The following TENM2 variants were observed in gnomAD, a reference collection of about 807,000 sequenced individuals.
TENM2 encodes the protein teneurin transmembrane protein 2.
TENM2 carries 52 observed loss-of-function variants against 245.2 expected under a neutral mutation model. The observed-to-expected ratio is 0.21, with a 90% CI of 0.17 to 0.27. TENM2 has a LOEUF of 0.27. Ranked by LOEUF, TENM2 falls within the 10% of genes least tolerant of loss-of-function variation. The probability of loss-of-function intolerance (pLI) is 1.00; values close to 1 mark genes in which losing one functional copy is unlikely to be tolerated. For synonymous variants in TENM2, 1,363 were observed against 1,438.9 expected (o/e 0.95, Z 1.19); for missense variants, 3,046 against 3,666.8 (o/e 0.83, Z 4.37).
At chr5:168,235,589 C>T (rs1052189065) in intron 25 of TENM2, among the ~76,000 whole-genome samples, 1 of 152,126 alleles carries the variant, frequency 6.6e-6, no homozygotes, top group Admixed American at 6.5e-5. Context: ...GGTGGATGAC[C>T]TGAGGTCAGA....
At chr5:167,374,923 G>A (rs893065364) in intron 1 of TENM2, among the ~76,000 whole-genome samples, 3 of 152,148 alleles carry the variant, frequency 2.0e-5, no homozygotes, top group African/African-American at 7.2e-5. Context: ...GCTACATGGA[G>A]CTACCTAGAC....
chr5:167,854,197 C>T (rs1298442560), intron 2 of TENM2, among the ~76,000 whole-genome samples: 1 of 152,176 alleles, frequency 6.6e-6, no homozygotes, highest in Non-Finnish European at 1.5e-5. Context: ...TCACAAATAA[C>T]ATATTCTGTA....
In TENM2 at chr5:168,260,435, G is replaced by A; in HGVS notation, c.7563+22G>A. Reference sequence around the variant, plus strand: ...ACAGGTAAGCAGAGGTTCCTGCCAAGAATCCAAATGATTGTCATCATTCCC... The same window carrying A: ...ACAGGTAAGCAGAGGTTCCTGCCAAAAATCCAAATGATTGTCATCATTCCC... On this transcript the variant is annotated intron_variant, in intron 28 of 28. Coordinates refer to ENST00000518659, the Ensembl canonical transcript of TENM2. The A allele has an allele frequency of 1.9e-6, 3 of 1,611,668 alleles. No individual in the cohort carries two copies. In the South Asian group the frequency reaches 3.3e-5, roughly 18 times the overall value.
intron 1 of TENM2, among the ~76,000 whole-genome samples, chr5:167,340,202 T>G (rs1758012985): frequency 6.6e-6 from 1 of 151,890 alleles, no homozygotes; most frequent in African/African-American, 2.4e-5. Context: ...GAATTGCCCC[T>G]AACATCTGTA....
intron 25 of TENM2, among the ~76,000 whole-genome samples, chr5:168,236,305 A>C (rs1765422059): frequency 6.6e-6 from 1 of 152,134 alleles, no homozygotes; most frequent in African/African-American, 2.4e-5. Flanking sequence ...CCTCCATACC[A>C]GACACCCTCT....
At chr5:167,101,849 T>TTATATATATATTTATATATATA in the TENM2 span, among the ~76,000 whole-genome samples, 1 of 69,456 alleles carries the variant, frequency 1.4e-5, no homozygotes, top group Admixed American at 2.1e-4. Flanking sequence ...ATATATATAT[T>TTATATATATATTTATATATATA]TATATATATA....
chr5:167,496,083 G>T (rs764909827), intron 2 of TENM2, among the ~76,000 whole-genome samples: 1 of 152,058 alleles, frequency 6.6e-6, no homozygotes, highest in African/African-American at 2.4e-5. Context: ...AATTGGAATA[G>T]ATTTTAAAAC....
intron 13 of TENM2, among the ~76,000 whole-genome samples, chr5:168,171,168 C>T (rs1758787530): frequency 6.6e-6 from 1 of 152,258 alleles, no homozygotes; most frequent in South Asian, 2.1e-4. Context: ...CTCTGTGTCT[C>T]TCCCATCAAC....
chr5:167,937,612 T>TTTA (rs1561956353), intron 3 of TENM2: 3 of 152,208 alleles, frequency 2.0e-5, no homozygotes, highest in African/African-American at 7.2e-5. Context: ...TCATTTTTTT[T>TTTA]TTATTCCCTA....
intron 6 of TENM2, among the ~76,000 whole-genome samples, chr5:168,050,608 AG>A (rs1788995684): frequency 6.6e-6 from 1 of 152,232 alleles, no homozygotes; most frequent in Non-Finnish European, 1.5e-5. Flanking sequence ...ATTAAATGTA[AG>A]CAAAACACAG....
chr5:167,363,338 T>C (rs1048233526), intron 1 of TENM2, among the ~76,000 whole-genome samples: 2 of 152,170 alleles, frequency 1.3e-5, no homozygotes, highest in African/African-American at 4.8e-5. Context: ...ATTGCCTGTG[T>C]AGAATCAAAT....
intron 1 of TENM2, among the ~76,000 whole-genome samples, chr5:167,335,760 CAA>C: frequency 6.6e-6 from 1 of 152,256 alleles, no homozygotes; most frequent in East Asian, 1.9e-4. Context: ...CTTATCCAAA[CAA>C]ATCCAACTAA....
intron 2 of TENM2, among the ~76,000 whole-genome samples, chr5:167,603,563 C>A (rs1373966136): frequency 6.6e-6 from 1 of 152,088 alleles, no homozygotes; most frequent in Non-Finnish European, 1.5e-5. Context: ...CACCTGTGGG[C>A]TCAGCTACTC....
chr5:168,126,335 C>T (rs562519809), intron 11 of TENM2, among the ~76,000 whole-genome samples: 213 of 152,274 alleles, frequency 1.4e-3, no homozygotes, highest in South Asian at 4.1e-3. Context: ...CAGGTGGGTA[C>T]TTCCCGGTTA....
intron 2 of TENM2, among the ~76,000 whole-genome samples, chr5:167,662,453 TC>T (rs1755277668): frequency 6.6e-6 from 1 of 152,180 alleles, no homozygotes; most frequent in South Asian, 2.1e-4. Context: ...TCGTGGGGAT[TC>T]TTTAAGCTTT....
At chr5:168,098,330 G>A (rs1171502251) in intron 9 of TENM2, among the ~76,000 whole-genome samples, 1 of 152,188 alleles carries the variant, frequency 6.6e-6, no homozygotes, top group Non-Finnish European at 1.5e-5. Flanking sequence ...TATAGGAGCA[G>A]GGCAGTTATC....
chr5:167,706,128 A>G (rs2150462661), intron 2 of TENM2, among the ~76,000 whole-genome samples: 1 of 145,978 alleles, frequency 6.9e-6, no homozygotes, highest in East Asian at 2.0e-4. Context: ...TTATACCAGT[A>G]TATATACCAG....
intron 3 of TENM2, among the ~76,000 whole-genome samples, chr5:167,935,236 T>G (rs1456181633): frequency 6.6e-6 from 1 of 152,218 alleles, no homozygotes; most frequent in Non-Finnish European, 1.5e-5. Flanking sequence ...TCTCACATGT[T>G]GTCCTGGTCT....
intron 13 of TENM2, among the ~76,000 whole-genome samples, chr5:168,169,920 A>T (rs967064020): frequency 2.6e-5 from 4 of 152,168 alleles, no homozygotes; most frequent in Non-Finnish European, 5.9e-5. Context: ...AGAGTCCCTG[A>T]TTAGCTCCCA....
Sources: gnomAD v4.1 joint callset for allele counts (sites outside exome capture counted in the v4.1 genomes callset) on GRCh38, gnomAD v4.1.1 for gene constraint, MANE v1.5 for transcripts, NCBI Gene and HGNC (gene_info 2026-07-23, HGNC 2026-07-21) for gene names.